The following SLC39A11 variants were observed in gnomAD, a reference collection of about 807,000 sequenced individuals.
SLC39A11 encodes zinc transporter ZIP11.
In SLC39A11, 33 loss-of-function variants were observed where a neutral mutation model predicts 36.1. The ratio of observed to expected loss-of-function variants is 0.91; its 90% CI spans 0.69 to 1.22. SLC39A11 has a LOEUF of 1.22. Ranked by LOEUF, SLC39A11 falls within the 50% of genes most tolerant of loss-of-function variation. SLC39A11 has a pLI of 0.00. For synonymous variants in SLC39A11, 166 were observed against 170.3 expected (o/e 0.97, Z 0.20); for missense variants, 432 against 430.3 (o/e 1.00, Z -0.03).
At chr17:72,996,443 G>A (rs1043062551) in intron 4 of SLC39A11, among the ~76,000 whole-genome samples, 5 of 152,158 alleles carry the variant, frequency 3.3e-5, no homozygotes, top group South Asian at 2.1e-4. Flanking sequence ...GAGGCCAAAC[G>A]TCTGAATCAA....
chr17:72,923,075 A>G lies in SLC39A11; in HGVS notation c.430+24677T>C, dbSNP rs577039096. ...GATTTGGGTGTGATTTTATCTTATC[A>G]GTCAGCTCTTTCTTGTCATTTTCTA... On this transcript the variant is annotated intron_variant, in intron 5 of 9. Coordinates refer to ENST00000255559, the MANE Select transcript of SLC39A11 (RefSeq NM_139177.4). Among the ~76,000 whole-genome samples, 152 of 151,198 alleles carry G rather than the reference A, an allele frequency of 1.0e-3. 1 individual carries two copies. The Middle Eastern group carries it at 0.031, about 31-fold the overall frequency.
intron 7 of SLC39A11, 25 bp from the exon 8 acceptor site, chr17:72,649,293 A>C (rs1266540833): frequency 6.2e-7 from 1 of 1,606,376 alleles, no homozygotes; most frequent in African/African-American, 1.3e-5. Context: ...AAGCACATGA[A>C]GGCTGCTGTC....
At chr17:72,651,174 G>T (rs79986164) in intron 7 of SLC39A11, among the ~76,000 whole-genome samples, 1,637 of 152,302 alleles carry the variant, frequency 0.011, 37 homozygotes, top group African/African-American at 0.038. Context: ...GTGGTTCATA[G>T]AATTAGTGCC....
At chr17:73,054,892 A>T (rs2059619586) in intron 3 of SLC39A11, among the ~76,000 whole-genome samples, 1 of 151,692 alleles carries the variant, frequency 6.6e-6, no homozygotes, top group Non-Finnish European at 1.5e-5. Flanking sequence ...CCCATCGTGG[A>T]GGGGGCTCAG....
Position 72,900,430 on chromosome 17 carries a change from G to T in SLC39A11, c.430+47322C>A, listed in dbSNP as rs1439105193. On this transcript the variant is annotated intron_variant, in intron 5 of 9. Transcript: ENST00000255559. Reference sequence around the variant, plus strand: ...GATGCAGGATTATGAGGATGTATGAGGATCTGCAAGGAGGCCAGTGAGGAA... The same window carrying T: ...GATGCAGGATTATGAGGATGTATGATGATCTGCAAGGAGGCCAGTGAGGAA... 2.0e-5 allele frequency among the ~76,000 whole-genome samples: 3 copies of T among 151,542 alleles called. No homozygotes were observed. The East Asian group carries it at 5.9e-4, about 30-fold the overall frequency.
chr17:72,929,271 G>A (rs1007273099), intron 5 of SLC39A11, among the ~76,000 whole-genome samples: 2 of 152,256 alleles, frequency 1.3e-5, no homozygotes, highest in South Asian at 2.1e-4. Context: ...ACACATTGAC[G>A]GGGGGTACTA....
intron 5 of SLC39A11, among the ~76,000 whole-genome samples, chr17:72,880,307 G>A (rs141604425): frequency 6.6e-6 from 1 of 152,302 alleles, no homozygotes; most frequent in East Asian, 1.9e-4. Flanking sequence ...GGTGGCTCAT[G>A]CCTGTAATCC....
chr17:73,077,141 T>C (rs777834287), intron 3 of SLC39A11, among the ~76,000 whole-genome samples: 9 of 152,206 alleles, frequency 5.9e-5, no homozygotes, highest in Non-Finnish European at 1.2e-4. Context: ...CCAGGCCACC[T>C]GGGCCATACT....
At chr17:72,952,134 G>A (rs146758052) in intron 4 of SLC39A11, among the ~76,000 whole-genome samples, 1 of 152,160 alleles carries the variant, frequency 6.6e-6, no homozygotes, top group Non-Finnish European at 1.5e-5. Flanking sequence ...CAGCTATGCA[G>A]CGTGGGAGCT....
chr17:72,876,643 G>A (rs1229953789), intron 5 of SLC39A11, among the ~76,000 whole-genome samples: 1 of 152,058 alleles, frequency 6.6e-6, no homozygotes, highest in Non-Finnish European at 1.5e-5. Flanking sequence ...CCCCTCACCT[G>A]TCATGATCAC....
chr17:73,091,199 G>A (rs1350406064), intron 1 of SLC39A11, among the ~76,000 whole-genome samples: 5 of 152,116 alleles, frequency 3.3e-5, no homozygotes, highest in African/African-American at 4.8e-5. Context: ...AGGCCAAGAC[G>A]GGCAGATCAC....
At chr17:72,731,046 G>A (rs1231962014) in intron 7 of SLC39A11, among the ~76,000 whole-genome samples, 5 of 152,114 alleles carry the variant, frequency 3.3e-5, no homozygotes, top group South Asian at 2.1e-4. Context: ...CACTGTGCCC[G>A]GCCAGCCATG....
At chr17:73,009,926 C>T (rs1211664673) in intron 4 of SLC39A11, among the ~76,000 whole-genome samples, 8 of 151,486 alleles carry the variant, frequency 5.3e-5, no homozygotes, top group African/African-American at 1.9e-4. Context: ...TGTGATGTTC[C>T]CTACCCTGTG....
rs1406803095 is a variant in SLC39A11 at position 72,900,118 on chromosome 17, AAAGAAAAG to A, written c.430+47626_430+47633del. On this transcript the variant is annotated intron_variant, in intron 5 of 9. Coordinates refer to ENST00000255559, the MANE Select transcript of SLC39A11 (RefSeq NM_139177.4). The stretch of plus-strand genomic sequence containing the variant: ...AGAAAAGAAAGAAAGAAAAAGAAAG[AAAGAAAAG>A]AAAGAAAGAAAGAAAAAGAAAGAAA... Among the ~76,000 whole-genome samples the A allele has an allele frequency of 2.8e-5, 4 of 143,712 alleles. 1 individual carries two copies. The highest frequency in any genetic ancestry group is 1.4e-4 in the Admixed American group (2 of 14,662). The allele number at this position is 143,712 out of a possible 152,430, so 94.3% of individuals were successfully genotyped here. A position where few individuals can be genotyped will look rare whatever the true frequency, so the allele number is the denominator to read the frequency against.
At chr17:72,842,104 A>ATGTGTGTGTG (rs2078846099) in intron 6 of SLC39A11, among the ~76,000 whole-genome samples, 4 of 49,308 alleles carry the variant, frequency 8.1e-5, no homozygotes, top group Non-Finnish European at 2.1e-4. Context: ...GTGTGTGTGC[A>ATGTGTGTGTG]CGCACGCGCA....
At chr17:73,026,002 C>T (rs990043446) in intron 4 of SLC39A11, among the ~76,000 whole-genome samples, 2 of 151,274 alleles carry the variant, frequency 1.3e-5, no homozygotes, top group Admixed American at 1.3e-4. Context: ...CCTGTAATCC[C>T]AGCTACTCAA....
At chr17:73,084,463 AG>A (rs2060652164) in intron 3 of SLC39A11, among the ~76,000 whole-genome samples, 1 of 139,532 alleles carries the variant, frequency 7.2e-6, no homozygotes, top group Non-Finnish European at 1.6e-5. Flanking sequence ...AAAAAAAAAA[AG>A]GCCTATAAAA....
At chr17:72,770,175 C>T (rs2075885935) in intron 6 of SLC39A11, among the ~76,000 whole-genome samples, 1 of 152,220 alleles carries the variant, frequency 6.6e-6, no homozygotes, top group African/African-American at 2.4e-5. Context: ...TTTCTGGGTT[C>T]ACAACCTTGA....
At chr17:73,071,424 A>G (rs1281185336) in intron 3 of SLC39A11, among the ~76,000 whole-genome samples, 1 of 152,240 alleles carries the variant, frequency 6.6e-6, no homozygotes, top group African/African-American at 2.4e-5. Flanking sequence ...GAGCAAAGGA[A>G]GAGCTGCTGC....
Sources: gnomAD v4.1 joint callset for allele counts (sites outside exome capture counted in the v4.1 genomes callset) on GRCh38, gnomAD v4.1.1 for gene constraint, MANE v1.5 for transcripts, NCBI Gene and HGNC (gene_info 2026-07-23, HGNC 2026-07-21) for gene names.